Variants in MPG observed in about 807,000 individuals in gnomAD.
MPG encodes the protein N-methylpurine DNA glycosylase.
A neutral mutation model predicts 31.7 loss-of-function variants in MPG; 33 were observed. The ratio of observed to expected loss-of-function variants is 1.04; its 90% CI spans 0.79 to 1.39. The LOEUF (loss-of-function observed/expected upper bound fraction) is 1.39, where lower values mean the gene tolerates loss of function less well. Among genes scored for constraint, MPG ranks in the 40% most tolerant of loss-of-function variants. MPG has a pLI of 0.00. For missense variants in MPG, 455 were observed against 415.5 expected, an observed-to-expected ratio of 1.10 and a Z score of -0.83; for synonymous variants, 202 against 169.2, an observed-to-expected ratio of 1.19 and a Z score of -1.51.
intron 3 of MPG, chr16:83,498 C>T (rs542888512): frequency 2.6e-5 from 12 of 464,942 alleles, no homozygotes; most frequent in African/African-American, 2.0e-4. Context: ...CCCAGCACTT[C>T]GGGAGGCCGA....
At chr16:80,791 A>G (rs1898218233) in intron 2 of MPG, among the ~76,000 whole-genome samples, 1 of 152,144 alleles carries the variant, frequency 6.6e-6, no homozygotes, top group Non-Finnish European at 1.5e-5. Context: ...CCTGGGCGAC[A>G]GGGCGAGACT....
chr16:82,381 A>C (rs1898274385), intron 2 of MPG, among the ~76,000 whole-genome samples: 1 of 152,218 alleles, frequency 6.6e-6, no homozygotes. Context: ...ATCTGGCCTA[A>C]AAACGAGAGG....
rs200830749 is a variant in MPG at position 79,470 on chromosome 16, G to C, written c.70G>C (p.Gly24Arg). The C allele has an allele frequency of 6.2e-7, 1 of 1,613,088 alleles. No homozygotes were observed. Among genetic ancestry groups the C allele is most frequent in the Admixed American group, 1.7e-5 (1 of 60,018 alleles). The change falls in exon 2 of 4, where the codon GGG becomes CGG. Residue 24 changes from glycine (G) to arginine (R), a missense_variant. Coordinates refer to ENST00000356432, the MANE Select transcript of MPG (RefSeq NM_001015052.3). ...GQKKQRPARA[G>R]QPHSSSDAAQ... Reference sequence around the variant, plus strand: ...AAAGAAGCAGCGACCAGCTAGAGCAGGGCAGCCACACAGCTCGTCCGACGC... The same window carrying C: ...AAAGAAGCAGCGACCAGCTAGAGCACGGCAGCCACACAGCTCGTCCGACGC...
At chr16:81,415 A>G (rs1898231632) in intron 2 of MPG, among the ~76,000 whole-genome samples, 1 of 152,194 alleles carries the variant, frequency 6.6e-6, no homozygotes, top group Admixed American at 6.5e-5. Flanking sequence ...AGGAGTGTGC[A>G]GAGTGAAGCC....
In MPG at chr16:83,141, C is replaced by T; in HGVS notation, c.390C>T (p.Ala130=). ...ACCTGGGGCCAGAGGATGAAGCCGC[C>T]CACTCAAGGGGTGGCCGGCAGACCC... is the stretch of plus-strand genomic sequence containing the variant. ...EAYLGPEDEA[A]HSRGGRQTPR... Residue 130 remains alanine (A), a synonymous_variant, in exon 3 of 4, where the codon GCC becomes GCT. Coordinates refer to ENST00000356432, the MANE Select transcript of MPG (RefSeq NM_001015052.3). 1 of 1,613,208 alleles carries T rather than the reference C, an allele frequency of 6.2e-7. No homozygotes were observed.
upstream of MPG, chr16:78,220 GC>G: frequency 2.4e-6 from 3 of 1,227,860 alleles, no homozygotes; most frequent in South Asian, 3.8e-5. Flanking sequence ...GCGCCGCTCC[GC>G]CCCGGTCCTA....
chr16:83,911 G>C (rs1898334305), intron 3 of MPG, among the ~76,000 whole-genome samples: 1 of 152,196 alleles, frequency 6.6e-6, no homozygotes, highest in African/African-American at 2.4e-5. Flanking sequence ...GGTTGCCAAG[G>C]ATGGAGCAGT....
At chr16:78,055 G>A (rs3176373), upstream of MPG, 9,848 of 307,102 alleles carry the variant, frequency 0.032, 429 homozygotes, top group South Asian at 0.16. Context: ...CTCTCGCCTC[G>A]CAGGCACCGC....
Position 79,313 on chromosome 16 carries a change from G to A in MPG, c.25-112G>A, listed in dbSNP as rs573916703. The A allele has an allele frequency of 9.3e-6, 15 of 1,608,312 alleles. No homozygotes were observed. In the South Asian group the frequency reaches 1.5e-4, roughly 17 times the overall value. ...ACAGGATGGTCACCCCCGCTTTGCA[G>A]ATGAAGAAACCAAAGCAGGTGGTCA... is the stretch of plus-strand genomic sequence containing the variant. On this transcript the variant is annotated intron_variant, in intron 1 of 3. Transcript: ENST00000356432.
upstream of MPG, among the ~76,000 whole-genome samples, chr16:77,569 C>T (rs541351746): frequency 8.3e-4 from 127 of 152,348 alleles, no homozygotes; most frequent in Admixed American, 3.7e-3. Context: ...AGGCCCAACC[C>T]AGAACGTGGG....
Position 79,698 on chromosome 16 carries a change from C to T in MPG, c.298C>T (p.Gln100Ter), listed in dbSNP as rs375351200. The T allele has an allele frequency of 2.2e-5, 34 of 1,556,668 alleles. No individual in the cohort carries two copies. The highest frequency in any genetic ancestry group is 3.0e-5 in the Non-Finnish European group (34 of 1,149,026). Residue 100 changes from glutamine to a stop codon, truncating the protein, a stop_gained and splice_region_variant, in exon 2 of 4, where the codon CAG becomes TAG. Transcript: ENST00000356432. LOFTEE classifies it high-confidence loss of function. ...CCCCCTGGCCCGGGCATTTCTGGGACAGGTAATGTGAACATAGCAGCGAGG... is the reference window on the plus strand; with the variant it reads ...CCCCCTGGCCCGGGCATTTCTGGGATAGGTAATGTGAACATAGCAGCGAGG... ...AVPLARAFLG[Q>*]VLVRRLPNGT...
chr16:79,500 C>T lies in MPG; in HGVS notation c.100C>T (p.Gln34Ter), dbSNP rs1333639555. The T allele has an allele frequency of 3.7e-6, 6 of 1,612,772 alleles. No homozygotes were observed. The South Asian group carries it at 5.5e-5, about 15-fold the overall frequency. Reference protein sequence around the residue: ...GQPHSSSDAAQAPAEQPHSSS... With the variant: ...GQPHSSSDAA ...GCCACACAGCTCGTCCGACGCAGCC[C>T]AGGCACCTGCAGAGCAGCCACACAG... is the stretch of plus-strand genomic sequence containing the variant. The change falls in exon 2 of 4, where the codon CAG (glutamine) becomes TAG (stop). Residue 34 changes from glutamine to a stop codon, truncating the protein, a stop_gained. Coordinates refer to ENST00000356432, the MANE Select transcript of MPG (RefSeq NM_001015052.3). LOFTEE classifies it high-confidence loss of function.
intron 3 of MPG, among the ~76,000 whole-genome samples, chr16:85,011 C>A (rs1898384503): frequency 6.6e-6 from 1 of 152,258 alleles, no homozygotes; most frequent in South Asian, 2.1e-4. Flanking sequence ...GGCTTTATAG[C>A]TGCTGCCAGT....
intron 1 of MPG, among the ~76,000 whole-genome samples, chr16:78,704 C>G (rs1393068839): frequency 6.6e-6 from 1 of 152,208 alleles, no homozygotes; most frequent in Non-Finnish European, 1.5e-5. Context: ...CGGGTGCTGC[C>G]AGGCCGGCGC....
In MPG at chr16:82,190, G is replaced by A. The variant is rs192843611; in HGVS notation, c.301-862G>A. ...CTATCTCCGGGAAGCCCTCCTGAAT[G>A]CTCCCCGCGCTGACCCCTTCTTCCC... On this transcript the variant is annotated intron_variant, in intron 2 of 3. Transcript: ENST00000356432. Among the ~76,000 whole-genome samples, 83 of 103,740 alleles carry A rather than the reference G, an allele frequency of 8.0e-4. 6 individuals carry two copies. Among genetic ancestry groups the A allele is most frequent in the East Asian group, 5.2e-3 (13 of 2,512 alleles). The allele number at this position is 103,740 out of a possible 152,430, so 68.1% of individuals were successfully genotyped here.
At chr16:85,375 C>T (rs547608974) in intron 3 of MPG, 26 bp from the exon 4 acceptor site, 1 of 1,573,426 alleles carries the variant, frequency 6.4e-7, no homozygotes, top group Non-Finnish European at 8.6e-7. Flanking sequence ...TAGGGAGGCT[C>T]CACTTCCAAA....
chr16:83,335 C>A, intron 3 of MPG, 79 bp downstream of exon 3: 1 of 1,409,054 alleles, frequency 7.1e-7, no homozygotes, highest in Non-Finnish European at 9.8e-7. Flanking sequence ...ACTAGGAGGA[C>A]TGAGGTGGGG....
intron 3 of MPG, among the ~76,000 whole-genome samples, chr16:83,622 T>C (rs992445548): frequency 2.0e-5 from 3 of 151,528 alleles, no homozygotes; most frequent in Admixed American, 6.6e-5. Context: ...GCTCCTGTAA[T>C]CCCAGCTACT....
chr16:85,365 T>C lies in MPG; in HGVS notation c.506-36T>C, dbSNP rs201541383. 2.9e-3 allele frequency: 4,545 copies of C among 1,562,988 alleles called. 9 individuals are homozygous for C. Among genetic ancestry groups the C allele is most frequent in the Non-Finnish European group, 3.4e-3 (3,986 of 1,156,026 alleles). ...TACTAGGGCAGAGAGGACAGGAGCC[T>C]AGGGAGGCTCCACTTCCAAACTGTC... On this transcript the variant is annotated intron_variant, in intron 3 of 3. Transcript: ENST00000356432.
Sources: allele counts gnomAD v4.1 joint callset (sites outside exome capture counted in the v4.1 genomes callset), GRCh38; gene constraint gnomAD v4.1.1; transcripts MANE v1.5; gene names NCBI Gene and HGNC (gene_info 2026-07-23, HGNC 2026-07-21).